The following C1D variants were observed in gnomAD, a reference collection of about 807,000 sequenced individuals.
C1D encodes the protein nuclear nucleic acid-binding protein C1D.
C1D carries 10 observed loss-of-function variants against 17.5 expected under a neutral mutation model. The observed-to-expected ratio is 0.57, with a 90% CI of 0.35 to 0.97. The LOEUF (loss-of-function observed/expected upper bound fraction) is 0.97, where lower values mean the gene tolerates loss of function less well. Ranked by LOEUF, C1D falls within the 50% of genes least tolerant of loss-of-function variation. The pLI is 0.01. For synonymous variants in C1D, 49 were observed against 54.0 expected (o/e 0.91, Z 0.40); for missense variants, 136 against 160.1 (o/e 0.85, Z 0.81).
intron 1 of C1D, 132 bp from the exon 2 acceptor site, chr2:68,047,451 T>G (rs1422716069): frequency 3.3e-6 from 2 of 614,144 alleles, no homozygotes; most frequent in African/African-American, 3.8e-5. Context: ...ACAAATCTTT[T>G]TAAAATTTAA....
intron 2 of C1D, 82 bp downstream of exon 2, chr2:68,047,091 T>C: frequency 7.7e-7 from 1 of 1,299,218 alleles, no homozygotes. Flanking sequence ...AGGTCATTAA[T>C]CTGTTTCTTC....
Position 68,047,251 on chromosome 2 carries a change from C to T in C1D, c.60G>A (p.Ala20=), listed in dbSNP as rs143265106. 67 of 1,612,576 alleles carry T rather than the reference C, an allele frequency of 4.2e-5. No individual in the cohort carries two copies. Among genetic ancestry groups the T allele is most frequent in the Non-Finnish European group, 4.8e-5 (57 of 1,179,380 alleles). Residue 20 remains alanine, a synonymous_variant, in exon 2 of 5, where the codon GCG becomes GCA. Transcript: ENST00000410067. ...YPVEIHEYLS[A]FENSIGAVDE... ...CCACAGCACCAATGGAATTCTCAAA[C>T]GCTGACAAATACTCGTGAATTTCTA...
chr2:68,046,235 A>C, intron 3 of C1D, 109 bp downstream of exon 3: 1 of 904,816 alleles, frequency 1.1e-6, no homozygotes, highest in Non-Finnish European at 1.7e-6. Flanking sequence ...TATCTATTAA[A>C]AGTGTTATAA....
At chr2:68,054,785 C>A (rs1255264820) in intron 1 of C1D, among the ~76,000 whole-genome samples, 1 of 150,736 alleles carries the variant, frequency 6.6e-6, no homozygotes, top group African/African-American at 2.5e-5. Flanking sequence ...CACAGACAGA[C>A]CCATCTCTAA....
At chr2:68,056,705 G>A (rs1485885548) in intron 1 of C1D, among the ~76,000 whole-genome samples, 3 of 152,050 alleles carry the variant, frequency 2.0e-5, no homozygotes, top group Non-Finnish European at 4.4e-5. Flanking sequence ...AACATAAATC[G>A]CTAAAATATG....
In C1D at chr2:68,047,265, C is replaced by T. The variant is rs747676241; in HGVS notation, c.46G>A (p.Glu16Lys). Reference protein sequence around the residue: ...INEDYPVEIHEYLSAFENSIG... With the variant: ...INEDYPVEIHKYLSAFENSIG... ...GAATTCTCAAACGCTGACAAATACT[C>T]GTGAATTTCTACTGGATAGTCTTCA... is the stretch of plus-strand genomic sequence containing the variant. Residue 16 changes from glutamate to lysine, a missense_variant, in exon 2 of 5, where the codon GAG becomes AAG. Coordinates refer to ENST00000410067, the MANE Select transcript of C1D (RefSeq NM_173177.3). The T allele has an allele frequency of 8.7e-6, 14 of 1,612,810 alleles. No individual in the cohort carries two copies. Among genetic ancestry groups the T allele is most frequent in the African/African-American group, 2.7e-5 (2 of 74,860 alleles).
At chr2:68,044,691 G>A (rs1236156648) in intron 4 of C1D, among the ~76,000 whole-genome samples, 1 of 151,910 alleles carries the variant, frequency 6.6e-6, no homozygotes, top group East Asian at 1.9e-4. Flanking sequence ...CTGGGCGACA[G>A]AGCAAGACTC....
At chr2:68,053,928 C>G (rs748426771) in intron 1 of C1D, among the ~76,000 whole-genome samples, 98 of 151,044 alleles carry the variant, frequency 6.5e-4, no homozygotes, top group Admixed American at 2.0e-4. Context: ...TCTGCATGCT[C>G]TCCTTCTATG....
intron 1 of C1D, among the ~76,000 whole-genome samples, chr2:68,061,610 C>T (rs370245088): frequency 4.1e-4 from 63 of 152,172 alleles, no homozygotes; most frequent in African/African-American, 1.4e-3. Flanking sequence ...TGTTGTTGCA[C>T]AGATTAAATA....
chr2:68,047,510 G>A (rs1235166256), intron 1 of C1D, among the ~76,000 whole-genome samples, 191 bp from the exon 2 acceptor site: 1 of 152,064 alleles, frequency 6.6e-6, no homozygotes, highest in East Asian at 1.9e-4. Context: ...GTTTCTTGGG[G>A]GGCTGTGGAA....
intron 1 of C1D, among the ~76,000 whole-genome samples, chr2:68,056,468 AAAATAAAC>A (rs1413491913): frequency 6.6e-6 from 1 of 152,210 alleles, no homozygotes; most frequent in Non-Finnish European, 1.5e-5. Flanking sequence ...AAATGCAGGC[AAAATAAAC>A]AAATAAACAA....
chr2:68,046,755 C>T (rs1223925888), intron 2 of C1D, among the ~76,000 whole-genome samples: 1 of 152,122 alleles, frequency 6.6e-6, no homozygotes, highest in Non-Finnish European at 1.5e-5. Context: ...AAACATTGTA[C>T]ATGATGCATT....
chr2:68,049,521 A>G (rs1406852271), intron 1 of C1D, among the ~76,000 whole-genome samples: 5 of 152,224 alleles, frequency 3.3e-5, no homozygotes, highest in African/African-American at 4.8e-5. Context: ...AACTAAAAAG[A>G]AGTACATAAA....
intron 1 of C1D, among the ~76,000 whole-genome samples, chr2:68,060,155 G>T (rs1179273015): frequency 6.6e-6 from 1 of 152,152 alleles, no homozygotes; most frequent in African/African-American, 2.4e-5. Flanking sequence ...CAATCTGTAA[G>T]CAATTCTGTT....
At chr2:68,052,433 C>T (rs1413384872) in intron 1 of C1D, among the ~76,000 whole-genome samples, 2 of 151,986 alleles carry the variant, frequency 1.3e-5, no homozygotes, top group Admixed American at 6.5e-5. Context: ...TTAACAAATA[C>T]TGTATGTATT....
intron 1 of C1D, among the ~76,000 whole-genome samples, chr2:68,061,430 G>C (rs540429514): frequency 6.6e-6 from 1 of 152,186 alleles, no homozygotes; most frequent in Non-Finnish European, 1.5e-5. Context: ...AAATTACGAG[G>C]ATATTGCTCA....
In C1D at chr2:68,042,970, T is replaced by C; in HGVS notation, c.345A>G (p.Ser115=). 6.2e-7 allele frequency: 1 copy of C among 1,611,100 alleles called. No homozygotes were observed. Among genetic ancestry groups the C allele is most frequent in the Non-Finnish European group, 8.5e-7 (1 of 1,177,888 alleles). ...KAGKLDRGAA[S]RFVKNALWEP... ...CCCAGAGGGCATTTTTTACAAATCT[T>C]GAAGCTGCACCTCTGTCCAGCTTGC... The change falls in exon 5 of 5, where the codon TCA becomes TCG. Residue 115 remains serine (S), a synonymous_variant. Coordinates refer to ENST00000410067, the MANE Select transcript of C1D (RefSeq NM_173177.3).
intron 1 of C1D, among the ~76,000 whole-genome samples, chr2:68,062,558 G>A (rs765683212): frequency 6.6e-6 from 1 of 152,162 alleles, no homozygotes; most frequent in Non-Finnish European, 1.5e-5. Context: ...TCCCCTAGAC[G>A]TTCCACTTTA....
At chr2:68,062,705 C>G (rs548678494) in intron 1 of C1D, among the ~76,000 whole-genome samples, 190 of 152,042 alleles carry the variant, frequency 1.2e-3, no homozygotes, top group Non-Finnish European at 2.3e-3. Flanking sequence ...AGAGAGAGAC[C>G]GGAGCAAAAG....
Sources: allele counts gnomAD v4.1 joint callset (sites outside exome capture counted in the v4.1 genomes callset), GRCh38; gene constraint gnomAD v4.1.1; transcripts MANE v1.5; gene names NCBI Gene and HGNC (gene_info 2026-07-23, HGNC 2026-07-21).